Variants in CHRM3 observed in about 807,000 individuals in gnomAD.
CHRM3 encodes the protein cholinergic receptor muscarinic 3, also known as muscarinic acetylcholine receptor M3.
In CHRM3, 11 loss-of-function variants were observed where a neutral mutation model predicts 41.8. The ratio of observed to expected loss-of-function variants is 0.26; its 90% CI spans 0.17 to 0.44. The LOEUF (loss-of-function observed/expected upper bound fraction) is 0.44. Among genes scored for constraint, CHRM3 ranks in the 20% least tolerant of loss-of-function variants. CHRM3 has a pLI of 1.00. For missense variants in CHRM3, 571 were observed against 745.4 expected (o/e 0.77, Z 2.72); for synonymous variants, 297 against 301.4 (o/e 0.99, Z 0.15).
chr1:239,412,125 C>T (rs1661125180), intron 1 of CHRM3, among the ~76,000 whole-genome samples: 1 of 150,738 alleles, frequency 6.6e-6, no homozygotes, highest in South Asian at 2.1e-4. Context: ...TGCTGAATTA[C>T]TTAGTGAACT....
At chr1:239,724,010 G>A (rs1158075808) in intron 5 of CHRM3, among the ~76,000 whole-genome samples, 1 of 151,824 alleles carries the variant, frequency 6.6e-6, no homozygotes, top group East Asian at 1.9e-4. Context: ...CTGAAGCCAA[G>A]CTGTACAGCC....
chr1:239,575,116 G>A (rs1461131883), intron 3 of CHRM3, among the ~76,000 whole-genome samples: 1 of 152,212 alleles, frequency 6.6e-6, no homozygotes, highest in African/African-American at 2.4e-5. Context: ...ATAAGGATTA[G>A]AGGATTTAAA....
At chr1:239,686,400 A>G (rs1412567679) in intron 5 of CHRM3, among the ~76,000 whole-genome samples, 3 of 152,234 alleles carry the variant, frequency 2.0e-5, no homozygotes, top group East Asian at 3.9e-4. Flanking sequence ...TCCTGCCTGG[A>G]CTACACAGAG....
At chr1:239,624,988 T>A (rs1263065351) in intron 3 of CHRM3, among the ~76,000 whole-genome samples, 1 of 50,268 alleles carries the variant, frequency 2.0e-5, no homozygotes, top group Non-Finnish European at 3.5e-5. Context: ...TGCGGGCTCT[T>A]TTTTGGTTCC....
intron 5 of CHRM3, among the ~76,000 whole-genome samples, chr1:239,739,649 C>A (rs1450743756): frequency 6.6e-6 from 1 of 152,040 alleles, no homozygotes; most frequent in African/African-American, 2.4e-5. Flanking sequence ...GCTCAGATAG[C>A]CTCAGTCACA....
At chr1:239,671,098 G>T (rs999499376) in intron 4 of CHRM3, among the ~76,000 whole-genome samples, 3 of 152,058 alleles carry the variant, frequency 2.0e-5, no homozygotes, top group Non-Finnish European at 4.4e-5. Context: ...CCATTCTTAC[G>T]GTATGGGATA....
intron 5 of CHRM3, among the ~76,000 whole-genome samples, chr1:239,724,966 A>G (rs1253099145): frequency 6.6e-6 from 1 of 151,630 alleles, no homozygotes. Flanking sequence ...CCAGTTACTT[A>G]TTGTTATATT....
chr1:239,732,977 G>A (rs1272323114), intron 5 of CHRM3, among the ~76,000 whole-genome samples: 1 of 151,766 alleles, frequency 6.6e-6, no homozygotes, highest in Non-Finnish European at 1.5e-5. Flanking sequence ...ATCTCATTTT[G>A]TTTGTTTAAT....
intron 4 of CHRM3, among the ~76,000 whole-genome samples, chr1:239,661,594 A>C (rs1251721268): frequency 6.6e-6 from 1 of 152,208 alleles, no homozygotes; most frequent in Non-Finnish European, 1.5e-5. Flanking sequence ...TGACAATATG[A>C]TATTCTGGAA....
chr1:239,762,641 A>T lies in CHRM3; in HGVS notation c.-146-64611A>T, dbSNP rs192421434. Among the ~76,000 whole-genome samples the T allele has an allele frequency of 4.5e-3, 682 of 152,318 alleles. 1 individual carries two copies. The highest frequency in any genetic ancestry group is 7.3e-3 in the Non-Finnish European group (496 of 68,020). ...TATAATTTTACCAGTGGCAAGAATG[A>T]GGAAATAATAAGAATGTTCATTAAA... On this transcript the variant is annotated intron_variant, in intron 5 of 6. Transcript: ENST00000676153.
intron 5 of CHRM3, among the ~76,000 whole-genome samples, chr1:239,680,203 T>C (rs1215445390): frequency 6.6e-6 from 1 of 152,112 alleles, no homozygotes; most frequent in Non-Finnish European, 1.5e-5. Context: ...GCCAGAGTAA[T>C]TGTCTTTATA....
intron 1 of CHRM3, among the ~76,000 whole-genome samples, chr1:239,491,897 G>A (rs896004720): frequency 2.0e-5 from 3 of 152,196 alleles, no homozygotes; most frequent in African/African-American, 7.2e-5. Flanking sequence ...GGGGAGCTCA[G>A]AGTAGTTGTT....
intron 5 of CHRM3, among the ~76,000 whole-genome samples, chr1:239,820,047 A>G (rs752785810): frequency 3.3e-5 from 5 of 152,166 alleles, no homozygotes; most frequent in Non-Finnish European, 7.3e-5. Context: ...GCTCCAGGGT[A>G]ATTCACACAA....
intron 1 of CHRM3, among the ~76,000 whole-genome samples, chr1:239,407,762 TGAGA>T (rs576448826): frequency 1.2e-3 from 177 of 152,208 alleles, no homozygotes; most frequent in South Asian, 2.1e-3. Context: ...TAGAAGTAGA[TGAGA>T]GAGAACCAAC....
chr1:239,620,786 G>T (rs1196971589), intron 3 of CHRM3, among the ~76,000 whole-genome samples: 2 of 152,050 alleles, frequency 1.3e-5, no homozygotes, highest in Non-Finnish European at 2.9e-5. Flanking sequence ...TCCATGCTGA[G>T]GTGGATTCAC....
intron 5 of CHRM3, among the ~76,000 whole-genome samples, chr1:239,776,449 G>A (rs1361615471): frequency 1.3e-5 from 2 of 152,110 alleles, no homozygotes; most frequent in Admixed American, 1.3e-4. Context: ...GGACTGTTCA[G>A]TATATTCTCC....
chr1:239,738,777 T>G (rs1161868973), intron 5 of CHRM3, among the ~76,000 whole-genome samples: 1 of 152,030 alleles, frequency 6.6e-6, no homozygotes, highest in Non-Finnish European at 1.5e-5. Context: ...GCTTGTAGAG[T>G]GTATTCTGTT....
chr1:239,422,154 A>T (rs558648352), intron 1 of CHRM3, among the ~76,000 whole-genome samples: 1 of 152,198 alleles, frequency 6.6e-6, no homozygotes, highest in Non-Finnish European at 1.5e-5. Context: ...CTTTTACTTC[A>T]TGCAATAACA....
At chr1:239,826,606 GA>G (rs1672483465) in intron 5 of CHRM3, among the ~76,000 whole-genome samples, 1 of 152,112 alleles carries the variant, frequency 6.6e-6, no homozygotes, top group Non-Finnish European at 1.5e-5. Flanking sequence ...AAAGTATCGG[GA>G]AAAGTAACCA....
Sources: allele counts gnomAD v4.1 joint callset (sites outside exome capture counted in the v4.1 genomes callset), GRCh38; gene constraint gnomAD v4.1.1; transcripts MANE v1.5; gene names NCBI Gene and HGNC (gene_info 2026-07-23, HGNC 2026-07-21).